Variants in SLC35A1 observed in about 807,000 individuals in gnomAD.
The protein encoded by SLC35A1 is CMP-sialic acid transporter.
In SLC35A1, 21 loss-of-function variants were observed where a neutral mutation model predicts 40.3. The observed-to-expected ratio is 0.52, with a 90% CI of 0.37 to 0.75. SLC35A1 has a LOEUF of 0.75. Among genes scored for constraint, SLC35A1 ranks in the 30% least tolerant of loss-of-function variants. The pLI, the probability that SLC35A1 is intolerant of heterozygous loss-of-function variation, is 0.00. For missense variants in SLC35A1, 297 were observed against 382.1 expected (o/e 0.78, Z 1.86); for synonymous variants, 146 against 147.3 (o/e 0.99, Z 0.06).
At chr6:87,487,768 C>T (rs190422376) in intron 2 of SLC35A1, among the ~76,000 whole-genome samples, 70 of 152,260 alleles carry the variant, frequency 4.6e-4, no homozygotes, top group African/African-American at 1.3e-3. Flanking sequence ...GATCTGAAAG[C>T]GGAAACAAGG....
In SLC35A1 at chr6:87,508,535, A is replaced by C; in HGVS notation, c.690A>C (p.Gly230=). The C allele has an allele frequency of 6.2e-7, 1 of 1,613,280 alleles. No individual in the cohort carries two copies. Among genetic ancestry groups the C allele is most frequent in the African/African-American group, 1.3e-5 (1 of 75,000 alleles). The change falls in exon 6 of 8, where the codon GGA becomes GGC. Residue 230 remains glycine, a synonymous_variant. Transcript: ENST00000369552. ...VTLAGVYLSD[G]AEIKEKGFFY... ...TAGCTGGCGTCTACTTGTCAGATGG[A>C]GCTGAAATTAAAGAAAAAGGATTTT... is the stretch of plus-strand genomic sequence containing the variant.
chr6:87,487,180 GAAAAA>G (rs1200570360), intron 2 of SLC35A1, among the ~76,000 whole-genome samples: 1 of 151,056 alleles, frequency 6.6e-6, no homozygotes, highest in Non-Finnish European at 1.5e-5. Context: ...CGTCTCAAAA[GAAAAA>G]AAAGAAAAAG....
chr6:87,489,534 GCTT>G (rs1769481903), intron 2 of SLC35A1, among the ~76,000 whole-genome samples: 1 of 139,194 alleles, frequency 7.2e-6, no homozygotes, highest in South Asian at 2.3e-4. Context: ...TCAACTGTGA[GCTT>G]TTTTTTTTTT....
intron 2 of SLC35A1, among the ~76,000 whole-genome samples, chr6:87,497,196 G>GCTT (rs10659816): frequency 0.6 from 89,481 of 150,302 alleles, 27,064 homozygotes; most frequent in African/African-American, 0.72. Flanking sequence ...AGCATCCTCT[G>GCTT]TTTTTTTTTG....
At chr6:87,485,488 G>C (rs971024421) in intron 2 of SLC35A1, among the ~76,000 whole-genome samples, 1 of 152,148 alleles carries the variant, frequency 6.6e-6, no homozygotes, top group African/African-American at 2.4e-5. Context: ...ATCTTGGCCA[G>C]GTGTGGTGGC....
intron 4 of SLC35A1, among the ~76,000 whole-genome samples, chr6:87,502,142 C>T (rs1769939420): frequency 6.6e-6 from 1 of 152,088 alleles, no homozygotes; most frequent in African/African-American, 2.4e-5. Flanking sequence ...AATTAAAACC[C>T]TACTGTTTCT....
intron 2 of SLC35A1, among the ~76,000 whole-genome samples, chr6:87,480,374 A>G (rs1384076008): frequency 6.6e-6 from 1 of 152,246 alleles, no homozygotes; most frequent in Non-Finnish European, 1.5e-5. Context: ...GTGGAAAGGT[A>G]ACAACCTGGG....
At chr6:87,492,748 C>T (rs1172979156) in intron 2 of SLC35A1, among the ~76,000 whole-genome samples, 1 of 151,902 alleles carries the variant, frequency 6.6e-6, no homozygotes, top group Non-Finnish European at 1.5e-5. Flanking sequence ...TGGGGTTTCA[C>T]CATGTTTGCT....
intron 1 of SLC35A1, among the ~76,000 whole-genome samples, 168 bp from the exon 2 acceptor site, chr6:87,477,194 C>G (rs192544904): frequency 8.1e-6 from 1 of 123,106 alleles, no homozygotes; most frequent in Non-Finnish European, 1.7e-5. Context: ...TGTGTGTGCA[C>G]GCTCATGTAA....
chr6:87,501,519 A>G (rs1314307464), intron 4 of SLC35A1, among the ~76,000 whole-genome samples: 1 of 152,214 alleles, frequency 6.6e-6, no homozygotes, highest in African/African-American at 2.4e-5. Flanking sequence ...TGCATAAAAT[A>G]TGTTACAGAT....
At chr6:87,483,583 A>G (rs867401921) in intron 2 of SLC35A1, among the ~76,000 whole-genome samples, 1 of 152,148 alleles carries the variant, frequency 6.6e-6, no homozygotes, top group Non-Finnish European at 1.5e-5. Context: ...CCATCAAACC[A>G]GGGGTGTCTT....
chr6:87,477,487 G>A lies in SLC35A1; in HGVS notation c.142G>A (p.Val48Met), dbSNP rs765961560. ...AGAACTCTACTTTTCAACCACAGCC[G>A]TGTGTATCACAGAAGTTATAAAGTT... ...DKELYFSTTA[V>M]CITEVIKLLL... Residue 48 changes from valine to methionine, a missense_variant, in exon 2 of 8, where the codon GTG becomes ATG. By Grantham distance (21) the Val-to-Met change is conservative. Transcript: ENST00000369552. The A allele has an allele frequency of 8.7e-6, 14 of 1,614,052 alleles. No individual in the cohort carries two copies. The highest frequency in any genetic ancestry group is 1.6e-4 in the Middle Eastern group (1 of 6,062).
chr6:87,494,186 C>G (rs1364830032), intron 2 of SLC35A1, among the ~76,000 whole-genome samples: 1 of 151,772 alleles, frequency 6.6e-6, no homozygotes, highest in African/African-American at 2.4e-5. Flanking sequence ...TGTATAGATA[C>G]CATATATACC....
Position 87,491,575 on chromosome 6 carries a change from TCTTAA to T in SLC35A1, c.195-8929_195-8925del, listed in dbSNP as rs779846849. On this transcript the variant is annotated intron_variant, in intron 2 of 7. Coordinates refer to ENST00000369552, the MANE Select transcript of SLC35A1 (RefSeq NM_006416.5). Reference sequence around the variant, plus strand: ...TTCAGTAGTTTACAATAATTTTTTCTCTTAACTTTTTATTTCCAAATGTTAACACT... The same window carrying T: ...TTCAGTAGTTTACAATAATTTTTTCTCTTTTTATTTCCAAATGTTAACACT... Among the ~76,000 whole-genome samples, 13 of 152,258 alleles carry T rather than the reference TCTTAA, an allele frequency of 8.5e-5. 1 individual carries two copies. The highest frequency in any genetic ancestry group is 2.4e-4 in the African/African-American group (10 of 41,466).
chr6:87,505,239 A>G (rs1163536759), intron 4 of SLC35A1, among the ~76,000 whole-genome samples: 1 of 152,188 alleles, frequency 6.6e-6, no homozygotes, highest in East Asian at 1.9e-4. Flanking sequence ...TTTATTTTGA[A>G]CAAGGTATAT....
At chr6:87,499,147 C>T in intron 2 of SLC35A1, 1 of 981,084 alleles carries the variant, frequency 1.0e-6, no homozygotes, top group Non-Finnish European at 1.2e-6. Context: ...GAATGTTCTA[C>T]AGCAAATAAA....
chr6:87,492,701 C>T (rs1349262205), intron 2 of SLC35A1, among the ~76,000 whole-genome samples: 1 of 151,958 alleles, frequency 6.6e-6, no homozygotes, highest in Non-Finnish European at 1.5e-5. Flanking sequence ...AGGGATGCAC[C>T]ACCACACCCG....
chr6:87,476,673 C>T (rs767089125), intron 1 of SLC35A1, among the ~76,000 whole-genome samples: 17 of 151,242 alleles, frequency 1.1e-4, no homozygotes, highest in South Asian at 2.1e-4. Context: ...TGCAGTGAGC[C>T]GAGATCACGT....
At chr6:87,475,968 G>A (rs1769057395) in intron 1 of SLC35A1, among the ~76,000 whole-genome samples, 1 of 152,136 alleles carries the variant, frequency 6.6e-6, no homozygotes, top group South Asian at 2.1e-4. Context: ...GGGAACTGGG[G>A]GACAATAGGT....
Sources: allele counts gnomAD v4.1 joint callset (sites outside exome capture counted in the v4.1 genomes callset), GRCh38; gene constraint gnomAD v4.1.1; transcripts MANE v1.5; gene names NCBI Gene and HGNC (gene_info 2026-07-23, HGNC 2026-07-21).